The following DNAH6 variants were observed in gnomAD, a reference collection of about 807,000 sequenced individuals.
DNAH6 encodes the protein axonemal beta dynein heavy chain 6.
A neutral mutation model predicts 491.4 loss-of-function variants in DNAH6; 340 were observed. That is an observed-to-expected ratio of 0.69 (90% CI 0.63 to 0.76). DNAH6 has a LOEUF of 0.76. Among genes scored for constraint, DNAH6 ranks in the 30% least tolerant of loss-of-function variants. The pLI is 0.00. For missense variants in DNAH6, 4,443 were observed against 4,972.2 expected (o/e 0.89, Z 3.20); for synonymous variants, 1,603 against 1,686.1 (o/e 0.95, Z 1.21).
At chr2:84,513,151 C>T (rs1675400091), upstream of DNAH6, among the ~76,000 whole-genome samples, 2 of 151,894 alleles carry the variant, frequency 1.3e-5, no homozygotes, top group South Asian at 4.2e-4. Context: ...CCTGTGATTA[C>T]AATTAACATC....
intron 59 of DNAH6, 116 bp downstream of exon 59, chr2:84,718,500 C>G (rs1486177859): frequency 2.6e-6 from 2 of 780,098 alleles, no homozygotes; most frequent in Non-Finnish European, 3.7e-6. Flanking sequence ...ACTGGGCTTC[C>G]ATGGACACAC....
At chr2:84,643,593 G>C (rs566545539) in intron 33 of DNAH6, among the ~76,000 whole-genome samples, 24 of 152,152 alleles carry the variant, frequency 1.6e-4, no homozygotes, top group Admixed American at 1.2e-3. Context: ...AGTTTCAGAG[G>C]TTTCTATTGA....
At position 84,658,306 on chromosome 2, in the gene DNAH6, C is replaced by G; in HGVS notation, c.5772C>G (p.Thr1924=). Residue 1924 remains threonine (T), a synonymous_variant, in exon 36 of 77, where the codon ACC becomes ACG. Transcript: ENST00000389394. ...TTCATTTTCAGCTGACTGAGGAAAC[C>G]CAAGAATATATATTGAATCTTTTCC... is the stretch of plus-strand genomic sequence containing the variant. ...KGISKKLTEE[T]QEYILNLFQR... The G allele has an allele frequency of 1.3e-6, 2 of 1,527,708 alleles. No individual in the cohort carries two copies. Among genetic ancestry groups the G allele is most frequent in the Non-Finnish European group, 1.8e-6 (2 of 1,135,580 alleles). The allele number at this position is 1,527,708 out of a possible 1,614,324, so 94.6% of individuals were successfully genotyped here. A position where few individuals can be genotyped will look rare whatever the true frequency, so the allele number is the denominator to read the frequency against.
intron 1 of DNAH6, 59 bp from the exon 2 acceptor site, chr2:84,517,760 C>A: frequency 7.4e-7 from 1 of 1,343,572 alleles, no homozygotes; most frequent in Non-Finnish European, 1.0e-6. Context: ...CCAGTAGCCT[C>A]CTTCCCCAAT....
chr2:84,669,644 A>G (rs1692520752), intron 38 of DNAH6, 134 bp downstream of exon 38: 2 of 762,052 alleles, frequency 2.6e-6, no homozygotes, highest in Non-Finnish European at 4.3e-6. Flanking sequence ...CAGGAAGAAT[A>G]TTATGCTGAA....
At chr2:84,495,371 C>G in the DNAH6 span, among the ~76,000 whole-genome samples, 3 of 152,150 alleles carry the variant, frequency 2.0e-5, no homozygotes, top group Non-Finnish European at 4.4e-5. Context: ...CCATGTTGGC[C>G]AGGCTGGTCT....
the DNAH6 span, among the ~76,000 whole-genome samples, chr2:84,501,371 G>C: frequency 6.6e-6 from 1 of 152,002 alleles, no homozygotes; most frequent in Non-Finnish European, 1.5e-5. Flanking sequence ...CCAAGGATAA[G>C]TCCCACTTGG....
chr2:84,603,030 G>A (rs1037621100), intron 18 of DNAH6, among the ~76,000 whole-genome samples: 2 of 151,476 alleles, frequency 1.3e-5, no homozygotes, highest in Admixed American at 6.6e-5. Context: ...TTTTCCATTA[G>A]AACCTTTAAC....
At chr2:84,709,264 C>G in intron 54 of DNAH6, 79 bp from the exon 55 acceptor site, 1 of 1,422,208 alleles carries the variant, frequency 7.0e-7, no homozygotes, top group South Asian at 1.3e-5. Context: ...TGACTTACCA[C>G]TGCCCACCAC....
Position 84,588,888 on chromosome 2 carries a change from G to C in DNAH6, c.2544G>C (p.Leu848=). 1 of 1,550,660 alleles carries C rather than the reference G, an allele frequency of 6.4e-7. No homozygotes were observed. The highest frequency in any genetic ancestry group is 8.7e-7 in the Non-Finnish European group (1 of 1,146,302). ...QDKIRLILNN[L]QSVLADLQKR... ...AAATAAGGCTCATATTGAATAATCTGCAATCTGTTCTGGCTGATCTTCAGA... is the reference window on the plus strand; with the variant it reads ...AAATAAGGCTCATATTGAATAATCTCCAATCTGTTCTGGCTGATCTTCAGA... The change falls in exon 16 of 77, where the codon CTG becomes CTC. Residue 848 remains leucine, a synonymous_variant. Transcript: ENST00000389394.
intron 71 of DNAH6, among the ~76,000 whole-genome samples, chr2:84,808,171 A>G (rs1270201195): frequency 7.5e-6 from 1 of 133,778 alleles, no homozygotes; most frequent in Non-Finnish European, 1.6e-5. Flanking sequence ...GTGTGTGTGT[A>G]TGCCCTGATA....
chr2:84,806,618 C>CAAAAAAAAAAAA (rs1162301447), intron 71 of DNAH6, among the ~76,000 whole-genome samples: 1 of 38,504 alleles, frequency 2.6e-5, no homozygotes, highest in African/African-American at 9.3e-5. Flanking sequence ...GACTCAGTCT[C>CAAAAAAAAAAAA]AAAAAAAAAA....
At chr2:84,500,930 G>A in the DNAH6 span, among the ~76,000 whole-genome samples, 1 of 152,132 alleles carries the variant, frequency 6.6e-6, no homozygotes, top group Admixed American at 6.5e-5. Context: ...TTTTTGTGGA[G>A]TCTTTACATT....
At chr2:84,479,757 G>A in the DNAH6 span, among the ~76,000 whole-genome samples, 1 of 152,216 alleles carries the variant, frequency 6.6e-6, no homozygotes, top group African/African-American at 2.4e-5. Context: ...TGGGAAGCTG[G>A]TTGTGGCCTG....
chr2:84,571,132 A>G (rs929510319), intron 11 of DNAH6, among the ~76,000 whole-genome samples: 1 of 152,230 alleles, frequency 6.6e-6, no homozygotes, highest in Admixed American at 6.5e-5. Context: ...GAAATAATGA[A>G]TTAACAAACT....
At chr2:84,737,038 A>C (rs998587907) in intron 62 of DNAH6, among the ~76,000 whole-genome samples, 10 of 152,128 alleles carry the variant, frequency 6.6e-5, no homozygotes, top group African/African-American at 2.4e-4. Context: ...TTTATCATAA[A>C]GGGATGTTGA....
intron 63 of DNAH6, among the ~76,000 whole-genome samples, chr2:84,746,020 C>T (rs1672948039): frequency 6.6e-6 from 1 of 151,978 alleles, no homozygotes; most frequent in Non-Finnish European, 1.5e-5. Flanking sequence ...TGATATGGCC[C>T]CCAGTTTCTG....
intron 37 of DNAH6, among the ~76,000 whole-genome samples, chr2:84,664,868 T>C (rs939470710): frequency 2.6e-5 from 4 of 152,182 alleles, no homozygotes; most frequent in African/African-American, 9.7e-5. Context: ...CCTCAACAAA[T>C]GTAAAAGAAC....
intron 31 of DNAH6, among the ~76,000 whole-genome samples, chr2:84,639,698 G>A (rs1573322493): frequency 6.6e-6 from 1 of 152,206 alleles, no homozygotes; most frequent in South Asian, 2.1e-4. Context: ...GGGATTACAG[G>A]TGTGAGCCAC....
Sources: allele counts gnomAD v4.1 joint callset (sites outside exome capture counted in the v4.1 genomes callset), GRCh38; gene constraint gnomAD v4.1.1; transcripts MANE v1.5; gene names NCBI Gene and HGNC (gene_info 2026-07-23, HGNC 2026-07-21).